LLGL2: variants seen among roughly 807,000 people sequenced by gnomAD.
LLGL2 encodes the protein LLGL2, scribble cell polarity complex component.
In LLGL2, 81 loss-of-function variants were observed where a neutral mutation model predicts 123.2. The ratio of observed to expected loss-of-function variants is 0.66; its 90% CI spans 0.55 to 0.79. The LOEUF (loss-of-function observed/expected upper bound fraction) is 0.79. Among genes scored for constraint, LLGL2 ranks in the 30% least tolerant of loss-of-function variants. The probability of loss-of-function intolerance (pLI) is 0.00; values close to 1 mark genes in which losing one functional copy is unlikely to be tolerated. For synonymous variants in LLGL2, 577 were observed against 594.1 expected (o/e 0.97, Z 0.42); for missense variants, 1,273 against 1,414.6 (o/e 0.90, Z 1.61).
At chr17:75,545,320 C>T (rs2054376971) in intron 2 of LLGL2, among the ~76,000 whole-genome samples, 1 of 152,158 alleles carries the variant, frequency 6.6e-6, no homozygotes, top group African/African-American at 2.4e-5. Flanking sequence ...ATGCAAGAAG[C>T]ATGCATTGAG....
In LLGL2 at chr17:75,559,083, A is replaced by G. The variant is rs1227715034; in HGVS notation, c.372-169A>G. 1.2e-5 allele frequency: 9 copies of G among 729,436 alleles called. No homozygotes were observed. The highest frequency in any genetic ancestry group is 1.7e-5 in the Non-Finnish European group (8 of 460,982). The allele number at this position is 729,436 out of a possible 1,614,324, so 45.2% of individuals were successfully genotyped here. On this transcript the variant is annotated intron_variant, in intron 5 of 25. Transcript: ENST00000392550. The surrounding 1 kb of genome is among the most constrained non-coding windows in gnomAD (Gnocchi z 4.6). The stretch of plus-strand genomic sequence containing the variant: ...TGCCTCCTAGCCCAGGCTCTCTGCC[A>G]TCTGTCTCCTGTCTTGGCAGAAAGT...
chr17:75,536,171 G>A (rs143984858), intron 1 of LLGL2, among the ~76,000 whole-genome samples: 1 of 152,204 alleles, frequency 6.6e-6, no homozygotes, highest in South Asian at 2.1e-4. Flanking sequence ...GTGGGGTGGA[G>A]AAGGTTTTCC....
Position 75,558,566 on chromosome 17 carries a change from G to T in LLGL2, c.310G>T (p.Val104Phe), listed in dbSNP as rs774877468. 2 of 1,611,638 alleles carry T rather than the reference G, an allele frequency of 1.2e-6. No individual in the cohort carries two copies. Among genetic ancestry groups the T allele is most frequent in the Admixed American group, 1.7e-5 (1 of 59,780 alleles). The change falls in exon 5 of 26, where the codon GTC becomes TTC. Residue 104 changes from valine (V) to phenylalanine (F), a missense_variant. Val to Phe is a conservative substitution (Grantham distance 50). Coordinates refer to ENST00000392550, the MANE Select transcript of LLGL2 (RefSeq NM_001031803.2). The surrounding 1 kb of genome is among the most constrained non-coding windows in gnomAD (Gnocchi z 4.0). The stretch of plus-strand genomic sequence containing the variant: ...CAGCCTGCACCTTTGGAGCCTGAAG[G>T]TCAAGGGCGGGGCATCGGAGCTGCA... ...DNSLHLWSLK[V>F]KGGASELQED...
chr17:75,554,180 T>C (rs2054799173), intron 2 of LLGL2, among the ~76,000 whole-genome samples: 1 of 151,336 alleles, frequency 6.6e-6, no homozygotes, highest in Non-Finnish European at 1.5e-5. Context: ...TGGGTGCCTG[T>C]AATCCTAGCT....
rs372830369 is a variant in LLGL2 at position 75,557,296 on chromosome 17, G to C, written c.174-859G>C. On this transcript the variant is annotated intron_variant, in intron 3 of 25. Transcript: ENST00000392550. ...GCCAGGAGAGCAGGGCTCGGCAGCTGTCTTCCAAATTCCACCCCCACTCCC... is the reference window on the plus strand; with the variant it reads ...GCCAGGAGAGCAGGGCTCGGCAGCTCTCTTCCAAATTCCACCCCCACTCCC... Among the ~76,000 whole-genome samples the C allele has an allele frequency of 3.3e-5, 5 of 152,328 alleles. No homozygotes were observed. The East Asian group carries it at 5.8e-4, about 18-fold the overall frequency.
At chr17:75,557,891 A>C in intron 3 of LLGL2, 1 of 506,498 alleles carries the variant, frequency 2.0e-6, no homozygotes, top group Admixed American at 3.0e-5. Flanking sequence ...TTGCCAGGGT[A>C]GGGCTTCGCC....
intron 3 of LLGL2, 199 bp from the exon 4 acceptor site, chr17:75,557,956 G>T: frequency 5.9e-6 from 4 of 681,940 alleles, no homozygotes; most frequent in South Asian, 1.5e-5. Flanking sequence ...CAGGGATCAG[G>T]TCACTGGCCT....
intron 2 of LLGL2, among the ~76,000 whole-genome samples, chr17:75,551,571 C>T (rs1355856844): frequency 6.6e-6 from 1 of 152,122 alleles, no homozygotes. Flanking sequence ...GGGCCCAACC[C>T]TTTGTCTTCC....
chr17:75,540,848 A>T (rs1300893627), intron 1 of LLGL2, among the ~76,000 whole-genome samples: 2 of 152,188 alleles, frequency 1.3e-5, no homozygotes, highest in African/African-American at 4.8e-5. Context: ...CCACGCTCAC[A>T]AACTCACACA....
In LLGL2 at chr17:75,570,265, G is replaced by T; in HGVS notation, c.1874+10G>T. ...GGCAGGTCTTTGTTAAGTGAGCAGG[G>T]GCGGCTGGGTCCCGGGGCTGGGAGT... On this transcript the variant is annotated intron_variant, in intron 15 of 25. Transcript: ENST00000392550. 6.3e-7 allele frequency: 1 copy of T among 1,599,452 alleles called. No homozygotes were observed.
intron 3 of LLGL2, among the ~76,000 whole-genome samples, chr17:75,556,627 C>T (rs1049864291): frequency 6.6e-6 from 1 of 152,216 alleles, no homozygotes; most frequent in African/African-American, 2.4e-5. Context: ...AGTGATCATT[C>T]AGTGAGTGGC....
At chr17:75,527,563 G>C (rs982410540) in intron 1 of LLGL2, among the ~76,000 whole-genome samples, 2 of 151,786 alleles carry the variant, frequency 1.3e-5, no homozygotes, top group Non-Finnish European at 2.9e-5. Flanking sequence ...ATAGAAAAAA[G>C]TAACTTTTTT....
chr17:75,572,369 A>AG (rs2055755571), intron 19 of LLGL2, among the ~76,000 whole-genome samples: 1 of 151,332 alleles, frequency 6.6e-6, no homozygotes, highest in Non-Finnish European at 1.5e-5. Flanking sequence ...ACAAAAAAAA[A>AG]TAGCCCGGCA....
In LLGL2 at chr17:75,568,771, G is replaced by C. The variant is rs1296002580; in HGVS notation, c.1255-1G>C. 1 of 1,607,962 alleles carries C rather than the reference G, an allele frequency of 6.2e-7. No homozygotes were observed. On this transcript the variant is annotated splice_acceptor_variant, in intron 11 of 25. Coordinates refer to ENST00000392550, the MANE Select transcript of LLGL2 (RefSeq NM_001031803.2). LOFTEE classifies it high-confidence loss of function. Reference sequence around the variant, plus strand: ...ATGGACTTCTTGGTCTCTTTTTCTAGGAGTGGCCAATTGATGGTGGCACCA... The same window carrying C: ...ATGGACTTCTTGGTCTCTTTTTCTACGAGTGGCCAATTGATGGTGGCACCA...
At chr17:75,557,899 G>T in intron 3 of LLGL2, 1 of 525,348 alleles carries the variant, frequency 1.9e-6, no homozygotes, top group Non-Finnish European at 3.5e-6. Context: ...GTAGGGCTTC[G>T]CCTTTCTATG....
rs1297816400 is a variant in LLGL2, at chr17:75,568,836, CAGGGT to C, written c.1322+4_1322+8del. ...CCACCCCAGAGGGACCTGCTGCTCA[CAGGGT>C]AGGGTACTTTGATGCTACCCCACCT... is the stretch of plus-strand genomic sequence containing the variant. On this transcript the variant is annotated splice_donor_variant and coding_sequence_variant, in exon 12 of 26. Transcript: ENST00000392550. LOFTEE classifies it high-confidence loss of function. The C allele has an allele frequency of 6.3e-7, 1 of 1,585,496 alleles. No individual in the cohort carries two copies. Among genetic ancestry groups the C allele is most frequent in the African/African-American group, 1.3e-5 (1 of 74,478 alleles).
At chr17:75,555,667 C>A (rs947439839) in intron 2 of LLGL2, among the ~76,000 whole-genome samples, 1 of 152,112 alleles carries the variant, frequency 6.6e-6, no homozygotes, top group African/African-American at 2.4e-5. Flanking sequence ...ACCGGTGTCT[C>A]CATTGTTCCA....
rs567373740 is a variant in LLGL2, at chr17:75,569,408, C to T, written c.1581+83C>T. 108 of 1,124,302 alleles carry T rather than the reference C, an allele frequency of 9.6e-5. No homozygotes were observed. In the South Asian group the frequency reaches 1.3e-3, roughly 14 times the overall value. The allele number at this position is 1,124,302 out of a possible 1,614,324, so 69.6% of individuals were successfully genotyped here. On this transcript the variant is annotated intron_variant, in intron 14 of 25. Coordinates refer to ENST00000392550, the MANE Select transcript of LLGL2 (RefSeq NM_001031803.2). ...GCAGGGACAGGAGCCAACCACCTGC[C>T]TAACGCACATTCTGTGTCCTTTGCT...
rs1052346023 is a variant in LLGL2, at chr17:75,573,964, T to A, written c.2889T>A (p.Thr963=). 10 of 1,550,648 alleles carry A rather than the reference T, an allele frequency of 6.4e-6. No homozygotes were observed. In the African/African-American group the frequency reaches 9.6e-5, roughly 15 times the overall value. ...TCTTCCCCCACAGGAACTCAGGGAC[T>A]CAGAGTGATGGCGAGGGTAAGACAG... ...KAPSRARNSG[T]QSDGEEKQPG... Residue 963 remains threonine, a synonymous_variant, in exon 22 of 26, where the codon ACT becomes ACA. Transcript: ENST00000392550.
Sources: allele counts gnomAD v4.1 joint callset (sites outside exome capture counted in the v4.1 genomes callset), GRCh38; gene constraint gnomAD v4.1.1; non-coding constraint Gnocchi (gnomAD v3.1); transcripts MANE v1.5; gene names NCBI Gene and HGNC (gene_info 2026-07-23, HGNC 2026-07-21).